The following UBE3D variants were observed in gnomAD, a reference collection of about 807,000 sequenced individuals.
The protein encoded by UBE3D is ubiquitin protein ligase E3D.
Under a neutral mutation model 49.6 loss-of-function variants are expected in UBE3D, and 48 were observed. The ratio of observed to expected loss-of-function variants is 0.97; its 90% CI spans 0.77 to 1.23. The LOEUF is 1.23. Among genes scored for constraint, UBE3D ranks in the 50% most tolerant of loss-of-function variants. The pLI is 0.00. For synonymous variants in UBE3D, 189 were observed against 174.2 expected, an observed-to-expected ratio of 1.08 and a Z score of -0.67; for missense variants, 452 against 468.4, an observed-to-expected ratio of 0.96 and a Z score of 0.32.
At chr6:82,898,470 C>A (rs1771493571) in intron 9 of UBE3D, among the ~76,000 whole-genome samples, 2 of 152,142 alleles carry the variant, frequency 1.3e-5, no homozygotes, top group South Asian at 4.1e-4. Flanking sequence ...AAATGTGGCA[C>A]ATATACACCA....
Position 83,044,614 on chromosome 6 carries a change from A to G in UBE3D, c.411T>C (p.Ala137=). 1 of 1,614,104 alleles carries G rather than the reference A, an allele frequency of 6.2e-7. No homozygotes were observed. The highest frequency in any genetic ancestry group is 1.1e-5 in the South Asian group (1 of 91,084). Reference sequence around the variant, plus strand: ...GATGACAACACCATTCTCCAACTAGAGCTCCCCAGTTCTCACTCGGCAGTG... The same window carrying G: ...GATGACAACACCATTCTCCAACTAGGGCTCCCCAGTTCTCACTCGGCAGTG... ...VLPLPSENWG[A]LVGEWCCHPD... Residue 137 remains alanine, a synonymous_variant, in exon 4 of 10, where the codon GCT becomes GCC. Transcript: ENST00000369747.
At chr6:82,904,328 C>T (rs765669701) in intron 9 of UBE3D, among the ~76,000 whole-genome samples, 5 of 152,102 alleles carry the variant, frequency 3.3e-5, no homozygotes, top group African/African-American at 7.2e-5. Context: ...CTATCAACCA[C>T]GTTAAACGAG....
intron 9 of UBE3D, among the ~76,000 whole-genome samples, chr6:82,910,671 T>C (rs1772435021): frequency 6.6e-6 from 1 of 150,548 alleles, no homozygotes; most frequent in South Asian, 2.1e-4. Flanking sequence ...TGATTTCCTA[T>C]TTTTTTTTCT....
In UBE3D at chr6:83,044,513, T is replaced by C; in HGVS notation, c.512A>G (p.Asn171Ser). Residue 171 changes from asparagine (N) to serine (S), a missense_variant, in exon 4 of 10, where the codon AAT becomes AGT. Transcript: ENST00000369747. ...CFIGDSFFLV[N>S]LRTSLWQQRP... The stretch of plus-strand genomic sequence containing the variant: ...TTGCTGCCACAAACTGGTTCTTAAA[T>C]TCACCAAGAAGAAAGAGTCTCCAAT... The C allele has an allele frequency of 6.2e-7, 1 of 1,614,134 alleles. No individual in the cohort carries two copies. Among genetic ancestry groups the C allele is most frequent in the African/African-American group, 1.3e-5 (1 of 75,036 alleles).
At chr6:82,944,171 T>G (rs73749480) in intron 9 of UBE3D, among the ~76,000 whole-genome samples, 5,411 of 152,234 alleles carry the variant, frequency 0.036, 156 homozygotes, top group East Asian at 0.11. Context: ...CTCCCCCAAC[T>G]CTAGGCAACA....
Position 82,968,179 on chromosome 6 carries a change from A to C in UBE3D, c.1011-10729T>G, listed in dbSNP as rs1350224764. On this transcript the variant is annotated intron_variant, in intron 8 of 9. Coordinates refer to ENST00000369747, the MANE Select transcript of UBE3D (RefSeq NM_198920.3). Reference sequence around the variant, plus strand: ...TCATATGATAAGCACATGCTTAAAAAGTTCTTAATTTTAATGTAATCAAGT... The same window carrying C: ...TCATATGATAAGCACATGCTTAAAACGTTCTTAATTTTAATGTAATCAAGT... 2.0e-5 allele frequency among the ~76,000 whole-genome samples: 3 copies of C among 152,196 alleles called. No individual in the cohort carries two copies. The East Asian group carries it at 5.8e-4, about 29-fold the overall frequency.
chr6:82,934,084 C>T (rs1774374457), intron 9 of UBE3D, among the ~76,000 whole-genome samples: 1 of 152,134 alleles, frequency 6.6e-6, no homozygotes, highest in Non-Finnish European at 1.5e-5. Context: ...CTGTTTCCCC[C>T]ATGCTGTTCT....
At chr6:82,991,292 T>C (rs1267613993) in intron 8 of UBE3D, among the ~76,000 whole-genome samples, 1 of 152,116 alleles carries the variant, frequency 6.6e-6, no homozygotes, top group Non-Finnish European at 1.5e-5. Context: ...GAAAGGAACA[T>C]GAAAGAATTT....
intron 8 of UBE3D, among the ~76,000 whole-genome samples, chr6:82,982,323 C>A (rs1778169411): frequency 6.6e-6 from 1 of 152,134 alleles, no homozygotes; most frequent in Non-Finnish European, 1.5e-5. Context: ...AAAAAATTAA[C>A]AATAACTTTG....
intron 5 of UBE3D, among the ~76,000 whole-genome samples, chr6:83,024,997 T>G (rs927883428): frequency 9.8e-5 from 15 of 152,324 alleles, no homozygotes; most frequent in African/African-American, 3.4e-4. Context: ...TCACTTGACA[T>G]AGAACTTTCT....
intron 1 of UBE3D, among the ~76,000 whole-genome samples, chr6:83,063,713 AC>A (rs1208022674): frequency 6.6e-6 from 1 of 152,206 alleles, no homozygotes; most frequent in African/African-American, 2.4e-5. Context: ...AATGGTTCAA[AC>A]TAAAAGGACT....
intron 8 of UBE3D, among the ~76,000 whole-genome samples, chr6:83,004,644 CAATT>C (rs1471663814): frequency 2.0e-5 from 3 of 152,260 alleles, no homozygotes; most frequent in East Asian, 1.9e-4. Context: ...TGACACTTGT[CAATT>C]CATTCATTCA....
At chr6:83,052,017 A>C (rs1783501850) in intron 3 of UBE3D, among the ~76,000 whole-genome samples, 2 of 152,244 alleles carry the variant, frequency 1.3e-5, no homozygotes, top group African/African-American at 4.8e-5. Context: ...CCTGATGCTG[A>C]GGAGGATGAT....
the UBE3D span, among the ~76,000 whole-genome samples, chr6:82,883,433 C>T: frequency 6.6e-6 from 1 of 152,140 alleles, no homozygotes; most frequent in Non-Finnish European, 1.5e-5. Flanking sequence ...TACTGAATTC[C>T]TTCTCTGCAT....
At chr6:82,958,332 C>T (rs113400235) in intron 8 of UBE3D, among the ~76,000 whole-genome samples, 3,146 of 152,090 alleles carry the variant, frequency 0.021, 48 homozygotes, top group African/African-American at 0.037. Context: ...CTCTGATCTG[C>T]GACCAAAGTG....
At chr6:82,974,430 A>G (rs1777572394) in intron 8 of UBE3D, among the ~76,000 whole-genome samples, 1 of 152,218 alleles carries the variant, frequency 6.6e-6, no homozygotes, top group South Asian at 2.1e-4. Context: ...GTGTTTGCAT[A>G]TAACCTGCAC....
intron 8 of UBE3D, among the ~76,000 whole-genome samples, chr6:82,984,158 AT>A (rs1778302735): frequency 1.3e-5 from 2 of 152,278 alleles, no homozygotes; most frequent in South Asian, 2.1e-4. Context: ...ATATATTCAT[AT>A]TCTTATCATT....
At chr6:82,890,971 C>T (rs2127708522), downstream of UBE3D, among the ~76,000 whole-genome samples, 1 of 152,144 alleles carries the variant, frequency 6.6e-6, no homozygotes, top group South Asian at 2.1e-4. Context: ...TAATTTATTC[C>T]AATTTCCAAC....
At chr6:83,035,299 T>A (rs6938070) in intron 5 of UBE3D, among the ~76,000 whole-genome samples, 98,623 of 152,022 alleles carry the variant, frequency 0.65, 32,899 homozygotes, top group East Asian at 0.78. Context: ...CCGCTCTCCT[T>A]TATTGTACAC....
Sources: allele counts gnomAD v4.1 joint callset (sites outside exome capture counted in the v4.1 genomes callset), GRCh38; gene constraint gnomAD v4.1.1; transcripts MANE v1.5; gene names NCBI Gene and HGNC (gene_info 2026-07-23, HGNC 2026-07-21).